Variants in CSNK1G1 observed in about 807,000 individuals in gnomAD.
CSNK1G1 encodes the protein casein kinase I isoform gamma-1.
In CSNK1G1, 22 loss-of-function variants were observed where a neutral mutation model predicts 59.6. That is an observed-to-expected ratio of 0.37 (90% CI 0.26 to 0.53). The LOEUF is 0.53. Among genes scored for constraint, CSNK1G1 ranks in the 20% least tolerant of loss-of-function variants. The pLI is 0.89. For missense variants in CSNK1G1, 384 were observed against 519.5 expected (o/e 0.74, Z 2.54); for synonymous variants, 179 against 177.1 (o/e 1.01, Z -0.08).
At chr15:64,318,353 T>C (rs1248712273) in intron 1 of CSNK1G1, among the ~76,000 whole-genome samples, 2 of 152,062 alleles carry the variant, frequency 1.3e-5, no homozygotes, top group Non-Finnish European at 2.9e-5. Flanking sequence ...GTCTAAATAA[T>C]ACTGTTTCTG....
At chr15:64,273,210 A>G (rs760618204) in intron 2 of CSNK1G1, among the ~76,000 whole-genome samples, 2 of 152,156 alleles carry the variant, frequency 1.3e-5, no homozygotes, top group Non-Finnish European at 2.9e-5. Flanking sequence ...CATGCTAACT[A>G]CCCTTATTTT....
intron 3 of CSNK1G1, among the ~76,000 whole-genome samples, chr15:64,254,148 C>T (rs1267967660): frequency 6.7e-6 from 1 of 149,630 alleles, no homozygotes; most frequent in Non-Finnish European, 1.5e-5. Flanking sequence ...TCCAAAAAAA[C>T]AAACAATAAA....
chr15:64,282,630 T>C (rs1392338622), intron 2 of CSNK1G1, among the ~76,000 whole-genome samples: 1 of 152,254 alleles, frequency 6.6e-6, no homozygotes, highest in Admixed American at 6.5e-5. Context: ...TATAGTAGTA[T>C]GTATCTTTAT....
chr15:64,329,125 A>G (rs922583106), intron 1 of CSNK1G1, among the ~76,000 whole-genome samples: 1,864 of 151,800 alleles, frequency 0.012, 27 homozygotes, highest in African/African-American at 0.044. Flanking sequence ...CGAGACAGAA[A>G]GTCAACAAGG....
At chr15:64,241,443 A>C (rs547896868) in intron 4 of CSNK1G1, among the ~76,000 whole-genome samples, 1 of 152,340 alleles carries the variant, frequency 6.6e-6, no homozygotes, top group African/African-American at 2.4e-5. Context: ...TTTAAACATC[A>C]CTTTAGACCA....
At chr15:64,185,131 G>A (rs887866385) in intron 10 of CSNK1G1, among the ~76,000 whole-genome samples, 9 of 152,346 alleles carry the variant, frequency 5.9e-5, no homozygotes, top group South Asian at 2.1e-4. Flanking sequence ...CTGGAAGGAT[G>A]AGAACCATGG....
chr15:64,203,798 G>A (rs779010098), intron 9 of CSNK1G1, among the ~76,000 whole-genome samples: 34 of 151,636 alleles, frequency 2.2e-4, no homozygotes, highest in Non-Finnish European at 4.6e-4. Context: ...ATGATGCTGG[G>A]TTCCACTGCT....
At chr15:64,309,546 G>C (rs546183746) in intron 1 of CSNK1G1, among the ~76,000 whole-genome samples, 1 of 152,144 alleles carries the variant, frequency 6.6e-6, no homozygotes, top group Non-Finnish European at 1.5e-5. Context: ...CCTTCACCGA[G>C]CTACTAGAGC....
chr15:64,351,926 A>G (rs1898311447), intron 1 of CSNK1G1, among the ~76,000 whole-genome samples: 1 of 152,186 alleles, frequency 6.6e-6, no homozygotes, highest in African/African-American at 2.4e-5. Context: ...AGAAGAAGAC[A>G]GGGGAAAAAG....
intron 4 of CSNK1G1, among the ~76,000 whole-genome samples, chr15:64,225,366 A>G (rs781240697): frequency 6.6e-6 from 1 of 152,092 alleles, no homozygotes; most frequent in Non-Finnish European, 1.5e-5. Flanking sequence ...CAACCAAGTC[A>G]TAACAGGCCA....
At chr15:64,275,785 C>T (rs959263272) in intron 2 of CSNK1G1, among the ~76,000 whole-genome samples, 24 of 152,022 alleles carry the variant, frequency 1.6e-4, no homozygotes, top group Admixed American at 1.2e-3. Context: ...TATCAGAGTA[C>T]ATTATACTCA....
At chr15:64,272,894 G>A (rs1330280991) in intron 2 of CSNK1G1, among the ~76,000 whole-genome samples, 1 of 151,938 alleles carries the variant, frequency 6.6e-6, no homozygotes, top group Non-Finnish European at 1.5e-5. Context: ...TGTAGAGACA[G>A]GGTTTTGCCA....
chr15:64,303,506 C>CT lies in CSNK1G1; in HGVS notation c.-224-2784dup, dbSNP rs759533819. ...GTGGCTCATGCCTATAATCCTGGCA[C>CT]TTTGGGAGGCCAAGGCGGGTGGATC... On this transcript the variant is annotated intron_variant, in intron 1 of 11. Transcript: ENST00000303052. Among the ~76,000 whole-genome samples, 226 of 151,924 alleles carry CT rather than the reference C, an allele frequency of 1.5e-3. 2 individuals carry two copies. Among genetic ancestry groups the CT allele is most frequent in the Admixed American group, 2.8e-3 (43 of 15,250 alleles).
chr15:64,347,831 C>T (rs1351211416), intron 1 of CSNK1G1, among the ~76,000 whole-genome samples: 1 of 151,670 alleles, frequency 6.6e-6, no homozygotes, highest in African/African-American at 2.4e-5. Flanking sequence ...CATGGTGAAA[C>T]CCGGTCTCTA....
chr15:64,342,105 G>A (rs1184177619), intron 1 of CSNK1G1, among the ~76,000 whole-genome samples: 1 of 152,138 alleles, frequency 6.6e-6, no homozygotes, highest in Non-Finnish European at 1.5e-5. Flanking sequence ...CTGTCAAGTA[G>A]GATTAAAACT....
At chr15:64,288,179 G>A (rs62021623) in intron 2 of CSNK1G1, among the ~76,000 whole-genome samples, 8,400 of 151,954 alleles carry the variant, frequency 0.055, 713 homozygotes, top group African/African-American at 0.18. Context: ...CTGAGGGAAG[G>A]AATGATGGAG....
intron 1 of CSNK1G1, among the ~76,000 whole-genome samples, chr15:64,322,488 C>T (rs1896616728): frequency 6.6e-6 from 1 of 151,930 alleles, no homozygotes; most frequent in Admixed American, 6.6e-5. Flanking sequence ...CCAGCATGAG[C>T]CGCCATGTCT....
At chr15:64,285,388 A>G (rs1352728678) in intron 2 of CSNK1G1, among the ~76,000 whole-genome samples, 2 of 152,164 alleles carry the variant, frequency 1.3e-5, no homozygotes, top group African/African-American at 4.8e-5. Context: ...GCCCAAACCA[A>G]CAAAACAAAA....
chr15:64,243,229 G>A (rs1031857751), intron 4 of CSNK1G1, among the ~76,000 whole-genome samples: 1 of 151,954 alleles, frequency 6.6e-6, no homozygotes, highest in South Asian at 2.1e-4. Flanking sequence ...CCAGCTACTC[G>A]GAAGGCTGAG....
Sources: gnomAD v4.1 joint callset for allele counts (sites outside exome capture counted in the v4.1 genomes callset) on GRCh38, gnomAD v4.1.1 for gene constraint, MANE v1.5 for transcripts, NCBI Gene and HGNC (gene_info 2026-07-23, HGNC 2026-07-21) for gene names.